Variants in TBC1D9B observed in about 807,000 individuals in gnomAD.
The protein encoded by TBC1D9B is TBC1 domain family member 9B.
A neutral mutation model predicts 121.1 loss-of-function variants in TBC1D9B; 87 were observed. The observed-to-expected ratio is 0.72, with a 90% confidence interval of 0.60 to 0.86. TBC1D9B has a LOEUF of 0.86. TBC1D9B is among the 40% of genes least tolerant of loss of function. The pLI, the probability that TBC1D9B is intolerant of heterozygous loss-of-function variation, is 0.00. For synonymous variants in TBC1D9B, 668 were observed against 670.1 expected (o/e 1.00, Z 0.05); for missense variants, 1,540 against 1,628.6 (o/e 0.95, Z 0.94).
rs746732052 is a variant in TBC1D9B, at chr5:179,878,328, G to C, written c.1763C>G (p.Pro588Arg). 6.2e-7 allele frequency: 1 copy of C among 1,613,352 alleles called. No individual in the cohort carries two copies. Residue 588 changes from proline to arginine, a missense_variant, in exon 10 of 21, where the codon CCC becomes CGC. Transcript: ENST00000355235. ...RVLTAYAFRN[P>R]TIGYCQAMNI... ...CCTTACCTGGCAGTAGCCGATGGTG[G>C]GGTTTCGGAAGGCATAGGCAGTCAG... is the stretch of plus-strand genomic sequence containing the variant.
intron 16 of TBC1D9B, among the ~76,000 whole-genome samples, 153 bp downstream of exon 16, chr5:179,870,102 G>A (rs1184183005): frequency 2.0e-5 from 3 of 152,150 alleles, no homozygotes; most frequent in South Asian, 2.1e-4. Context: ...CTCGGCTCCC[G>A]TGGGTAAACT....
Position 179,865,327 on chromosome 5 carries a change from T to G in TBC1D9B, c.2948A>C (p.His983Pro), listed in dbSNP as rs754461829. Residue 983 changes from histidine to proline, a missense_variant, in exon 20 of 21, where the codon CAC becomes CCC. Physicochemically the swap from His to Pro is moderately conservative, Grantham distance 77. Coordinates refer to ENST00000355235, the MANE Select transcript of TBC1D9B (RefSeq NM_015043.4). The surrounding 1 kb of genome is among the most constrained non-coding windows in gnomAD (Gnocchi z 5.1). ...EKGTSSPDYR[H>P]YLRMWAKEKE... ...CTCCTTGGCCCACATTCGAAGGTAG[T>G]GCCGATAGTCCGGAGAGCTGGTCCC... The G allele has an allele frequency of 1.9e-6, 3 of 1,614,122 alleles. No individual in the cohort carries two copies. The highest frequency in any genetic ancestry group is 2.5e-6 in the Non-Finnish European group (3 of 1,180,040).
At position 179,879,155 on chromosome 5, in the gene TBC1D9B, A is replaced by G. The variant is rs1438472828; in HGVS notation, c.1459T>C (p.Phe487Leu). The G allele has an allele frequency of 3.1e-6, 5 of 1,606,258 alleles. No individual in the cohort carries two copies. The highest frequency in any genetic ancestry group is 4.2e-6 in the Non-Finnish European group (5 of 1,179,588). ...MKEESWHIHF[F>L]EYGRGVCMYR... ...ATGCACACGCCACGCCCGTACTCGA[A>G]GAAGTGGATGTGCCATGACTCCTCT... is the stretch of plus-strand genomic sequence containing the variant. Residue 487 changes from phenylalanine (F) to leucine (L), a missense_variant, in exon 9 of 21, where the codon TTC (phenylalanine) becomes CTC (leucine). Phe to Leu is a conservative substitution (Grantham distance 22). Transcript: ENST00000355235.
chr5:179,870,394 G>A lies in TBC1D9B; in HGVS notation c.2586C>T (p.Ser862=). Residue 862 remains serine, a synonymous_variant, in exon 16 of 21, where the codon AGC becomes AGT. Transcript: ENST00000355235. The part of the protein sequence containing the change: ...PYLEQYRIDA[S]QFRELFASLT... Reference sequence around the variant, plus strand: ...GGCTGGCAAAGAGTTCCCGGAACTGGCTGGCATCAATCCGGTACTGCTCCA... The same window carrying A: ...GGCTGGCAAAGAGTTCCCGGAACTGACTGGCATCAATCCGGTACTGCTCCA... 4 of 1,613,778 alleles carry A rather than the reference G, an allele frequency of 2.5e-6. No individual in the cohort carries two copies. The highest frequency in any genetic ancestry group is 3.4e-6 in the Non-Finnish European group (4 of 1,180,024).
intron 15 of TBC1D9B, among the ~76,000 whole-genome samples, chr5:179,871,122 C>T (rs550631324): frequency 1.1e-4 from 17 of 152,304 alleles, no homozygotes; most frequent in South Asian, 6.2e-4. Flanking sequence ...GGAAGCCTGA[C>T]GGCACATTTC....
chr5:179,882,928 T>C (rs548214772), intron 7 of TBC1D9B, among the ~76,000 whole-genome samples: 2 of 152,318 alleles, frequency 1.3e-5, no homozygotes, highest in Admixed American at 1.3e-4. Flanking sequence ...CGTGGCCCAT[T>C]GCAACCTCCT....
At chr5:179,894,364 G>A in intron 4 of TBC1D9B, 22 bp downstream of exon 4, 1 of 1,593,116 alleles carries the variant, frequency 6.3e-7, no homozygotes, top group East Asian at 2.3e-5. Flanking sequence ...GGGGGCTGGG[G>A]CACACTGAGG....
chr5:179,906,973 G>C (rs1406947282), intron 1 of TBC1D9B, among the ~76,000 whole-genome samples: 1 of 152,180 alleles, frequency 6.6e-6, no homozygotes, highest in Non-Finnish European at 1.5e-5. Context: ...ACCACCTGCG[G>C]AGGGAGTGGC....
chr5:179,905,329 A>G (rs1250716095), intron 1 of TBC1D9B, among the ~76,000 whole-genome samples: 1 of 152,220 alleles, frequency 6.6e-6, no homozygotes, highest in African/African-American at 2.4e-5. Flanking sequence ...ACACAGGACA[A>G]TGATTCTGCA....
In TBC1D9B at chr5:179,862,833, A is replaced by T; in HGVS notation, c.*615T>A. On this transcript the variant is annotated 3_prime_UTR_variant, in exon 21 of 21. Coordinates refer to ENST00000355235, the MANE Select transcript of TBC1D9B (RefSeq NM_015043.4). ...AAGGAAATATATCAGGACCTGAGGGATGTTTTTTTAAAGTTACTGGAAAGG... is the reference window on the plus strand; with the variant it reads ...AAGGAAATATATCAGGACCTGAGGGTTGTTTTTTTAAAGTTACTGGAAAGG... 3.0e-6 allele frequency: 1 copy of T among 332,034 alleles called. No individual in the cohort carries two copies. The highest frequency in any genetic ancestry group is 6.1e-6 in the Non-Finnish European group (1 of 163,356). The allele number at this position is 332,034 out of a possible 1,614,324, so 20.6% of individuals were successfully genotyped here. A position where few individuals can be genotyped will look rare whatever the true frequency, so the allele number is the denominator to read the frequency against.
chr5:179,865,184 G>C lies in TBC1D9B; in HGVS notation c.3021+70C>G. 1 of 1,425,796 alleles carries C rather than the reference G, an allele frequency of 7.0e-7. No homozygotes were observed. The allele number at this position is 1,425,796 out of a possible 1,614,324, so 88.3% of individuals were successfully genotyped here. ...CCAGGAGATGCTGCAGTGCAGGTGC[G>C]GTGATGTTAGGGCCCAGTCTTGGTC... On this transcript the variant is annotated intron_variant, in intron 20 of 20. Transcript: ENST00000355235. The surrounding 1 kb of genome is among the most constrained non-coding windows in gnomAD (Gnocchi z 5.1).
In TBC1D9B at chr5:179,893,375, G is replaced by C; in HGVS notation, c.670C>G (p.Gln224Glu). The C allele has an allele frequency of 6.2e-7, 1 of 1,614,156 alleles. No homozygotes were observed. The highest frequency in any genetic ancestry group is 8.5e-7 in the Non-Finnish European group (1 of 1,180,036). Residue 224 changes from glutamine (Q) to glutamate (E), a missense_variant, in exon 5 of 21, where the codon CAG (glutamine) becomes GAG (glutamate). Coordinates refer to ENST00000355235, the MANE Select transcript of TBC1D9B (RefSeq NM_015043.4). ...AGGAACATGGAGAAGAAGAGCTCCT[G>C]GTCGCGGGTGTCCACACGGATGCTC... ...PESIRVDTRD[Q>E]ELFFSMFLNI... is the part of the protein sequence containing the mutation.
At chr5:179,895,998 A>C (rs566843159) in intron 3 of TBC1D9B, among the ~76,000 whole-genome samples, 4 of 152,316 alleles carry the variant, frequency 2.6e-5, no homozygotes, top group South Asian at 4.1e-4. Context: ...TATTGGAGAC[A>C]ATTCTAGATT....
At chr5:179,873,412 G>A (rs769202330) in intron 12 of TBC1D9B, among the ~76,000 whole-genome samples, 164 bp from the exon 13 acceptor site, 26 of 152,312 alleles carry the variant, frequency 1.7e-4, no homozygotes, top group Non-Finnish European at 3.4e-4. Context: ...CCCTGGCAGC[G>A]CCCCCAGCAA....
At chr5:179,869,735 G>T (rs771382006) in intron 17 of TBC1D9B, 34 bp downstream of exon 17, 1 of 1,609,324 alleles carries the variant, frequency 6.2e-7, no homozygotes, top group Non-Finnish European at 8.5e-7. Flanking sequence ...ACAAGTGGGA[G>T]ACCCTGGCTG....
At chr5:179,873,497 T>G (rs1007193902) in intron 12 of TBC1D9B, among the ~76,000 whole-genome samples, 5 of 152,216 alleles carry the variant, frequency 3.3e-5, no homozygotes, top group African/African-American at 9.6e-5. Context: ...GGCTGTTTTC[T>G]TAGTCAGTGG....
At chr5:179,881,281 C>T (rs1000540150) in intron 7 of TBC1D9B, among the ~76,000 whole-genome samples, 1 of 152,180 alleles carries the variant, frequency 6.6e-6, no homozygotes, top group Non-Finnish European at 1.5e-5. Flanking sequence ...AGGTAACCAC[C>T]TCACATAAAC....
Position 179,863,633 on chromosome 5 carries a change from C to T in TBC1D9B, c.3517G>A (p.Gly1173Ser), listed in dbSNP as rs769980024. ...EACSPTARIG[G>S]TVDTDWCISF... ...ATGCACCAGTCGGTGTCGACGGTGC[C>T]GCCGATGCGCGCTGTGGGGCTGCAG... is the stretch of plus-strand genomic sequence containing the variant. The change falls in exon 21 of 21, where the codon GGC becomes AGC. Residue 1173 changes from glycine (G) to serine (S), a missense_variant. Physicochemically the swap from Gly to Ser is moderately conservative, Grantham distance 56. Transcript: ENST00000355235. The surrounding 1 kb of genome is among the most constrained non-coding windows in gnomAD (Gnocchi z 4.5). 82 of 1,613,842 alleles carry T rather than the reference C, an allele frequency of 5.1e-5. No homozygotes were observed. Among genetic ancestry groups the T allele is most frequent in the South Asian group, 4.2e-4 (38 of 91,084 alleles).
chr5:179,879,760 C>T lies in TBC1D9B; in HGVS notation c.1284G>A (p.Glu428=). The change falls in exon 8 of 21, where the codon GAG becomes GAA. Residue 428 remains glutamate (E), a synonymous_variant. Coordinates refer to ENST00000355235, the MANE Select transcript of TBC1D9B (RefSeq NM_015043.4). ...ESSPAPQEGS[E]QPASPASPLS... ...GGGGAGAGGCTGGGCTGGCGGGCTG[C>T]TCCGACCCCTCCTGAGGAGCTGGGG... 1 of 1,613,650 alleles carries T rather than the reference C, an allele frequency of 6.2e-7. No homozygotes were observed. Among genetic ancestry groups the T allele is most frequent in the Non-Finnish European group, 8.5e-7 (1 of 1,179,830 alleles).
Sources: allele counts gnomAD v4.1 joint callset (sites outside exome capture counted in the v4.1 genomes callset), GRCh38; gene constraint gnomAD v4.1.1; non-coding constraint Gnocchi (gnomAD v3.1); transcripts MANE v1.5; gene names NCBI Gene and HGNC (gene_info 2026-07-23, HGNC 2026-07-21).